NALF1: variants seen among roughly 807,000 people sequenced by gnomAD.
NALF1 encodes family with sequence similarity 155 member A.
NALF1 carries 3 observed loss-of-function variants against 48.4 expected under a neutral mutation model. The ratio of observed to expected loss-of-function variants is 0.06; its 90% CI spans 0.03 to 0.16. The LOEUF (loss-of-function observed/expected upper bound fraction) is 0.16, where lower values mean the gene tolerates loss of function less well. Ranked by LOEUF, NALF1 falls within the 10% of genes least tolerant of loss-of-function variation. The pLI is 1.00. For synonymous variants in NALF1, 262 were observed against 245.7 expected, an observed-to-expected ratio of 1.07 and a Z score of -0.62; for missense variants, 526 against 571.5, an observed-to-expected ratio of 0.92 and a Z score of 0.81.
chr13:107,206,800 T>C (rs548583988), intron 2 of NALF1, among the ~76,000 whole-genome samples: 1 of 152,318 alleles, frequency 6.6e-6, no homozygotes, highest in Non-Finnish European at 1.5e-5. Flanking sequence ...ACAGTATCTG[T>C]CATCAGGCCA....
At chr13:107,176,596 G>C (rs970604445) in intron 2 of NALF1, among the ~76,000 whole-genome samples, 2 of 151,548 alleles carry the variant, frequency 1.3e-5, no homozygotes, top group Non-Finnish European at 2.9e-5. Context: ...GAGCCGAGAT[G>C]GCGCCACTGC....
intron 1 of NALF1, among the ~76,000 whole-genome samples, chr13:107,319,119 G>A (rs6492046): frequency 0.25 from 37,833 of 151,914 alleles, 5,024 homozygotes; most frequent in Non-Finnish European, 0.28. Context: ...TTGTTTGATT[G>A]AAAGATGTGA....
At chr13:107,504,712 A>G (rs1032266675) in intron 1 of NALF1, among the ~76,000 whole-genome samples, 1 of 152,184 alleles carries the variant, frequency 6.6e-6, no homozygotes, top group Non-Finnish European at 1.5e-5. Flanking sequence ...TCTATTGAAT[A>G]TAACATATCT....
At chr13:107,320,272 C>T (rs555718009) in intron 1 of NALF1, among the ~76,000 whole-genome samples, 98 of 152,134 alleles carry the variant, frequency 6.4e-4, no homozygotes, top group African/African-American at 2.3e-3. Flanking sequence ...GAGAAAAACA[C>T]CCCATCAAAA....
chr13:107,806,651 A>T (rs1315409597), intron 1 of NALF1, among the ~76,000 whole-genome samples: 1 of 152,182 alleles, frequency 6.6e-6, no homozygotes, highest in Admixed American at 6.5e-5. Context: ...CTTTCAGAAT[A>T]ATTCTTCAAA....
chr13:107,310,729 G>A (rs191716710), intron 1 of NALF1, among the ~76,000 whole-genome samples: 42 of 152,068 alleles, frequency 2.8e-4, no homozygotes, highest in Admixed American at 2.5e-3. Flanking sequence ...CCAGTCTGGA[G>A]TACAGTAGCG....
intron 1 of NALF1, among the ~76,000 whole-genome samples, chr13:107,266,477 T>G (rs1308696895): frequency 6.6e-6 from 1 of 152,194 alleles, no homozygotes; most frequent in Non-Finnish European, 1.5e-5. Context: ...CATCATTTCT[T>G]CTTATTTAGG....
chr13:107,300,246 C>T (rs945516788), intron 1 of NALF1, among the ~76,000 whole-genome samples: 1 of 152,238 alleles, frequency 6.6e-6, no homozygotes, highest in East Asian at 1.9e-4. Context: ...CTGTTCTGAT[C>T]ATTATTCCAG....
chr13:107,609,707 C>T (rs2138431144), intron 1 of NALF1, among the ~76,000 whole-genome samples: 1 of 152,256 alleles, frequency 6.6e-6, no homozygotes, highest in South Asian at 2.1e-4. Flanking sequence ...TGTTGAATTC[C>T]ATAAAATTTC....
chr13:107,321,535 G>A (rs2138914205), intron 1 of NALF1, among the ~76,000 whole-genome samples: 1 of 152,190 alleles, frequency 6.6e-6, no homozygotes, highest in Non-Finnish European at 1.5e-5. Flanking sequence ...ACTTTCTGAG[G>A]ATTAAGATAT....
Position 107,538,714 on chromosome 13 carries a change from T to C in NALF1, c.915+326968A>G, listed in dbSNP as rs952200606. Among the ~76,000 whole-genome samples, 145 of 152,156 alleles carry C rather than the reference T, an allele frequency of 9.5e-4. 1 individual carries two copies. The highest frequency in any genetic ancestry group is 3.3e-3 in the African/African-American group (137 of 41,452). Reference sequence around the variant, plus strand: ...CAGACCTCAGTTCAAACACTGATTCTTACCTGAAAACTTGAGAAAAATTGC... The same window carrying C: ...CAGACCTCAGTTCAAACACTGATTCCTACCTGAAAACTTGAGAAAAATTGC... On this transcript the variant is annotated intron_variant, in intron 1 of 2. Coordinates refer to ENST00000375915, the MANE Select transcript of NALF1 (RefSeq NM_001080396.3).
At chr13:107,439,162 A>G (rs1325551031) in intron 1 of NALF1, among the ~76,000 whole-genome samples, 1 of 152,154 alleles carries the variant, frequency 6.6e-6, no homozygotes, top group East Asian at 1.9e-4. Flanking sequence ...ATTGTAATCG[A>G]CTTATGTGTT....
At chr13:107,719,815 C>A (rs1875931041) in intron 1 of NALF1, among the ~76,000 whole-genome samples, 1 of 152,134 alleles carries the variant, frequency 6.6e-6, no homozygotes, top group Non-Finnish European at 1.5e-5. Context: ...TGCCTCTAAC[C>A]CAAATAATAC....
chr13:107,433,264 T>C (rs1774369492), intron 1 of NALF1, among the ~76,000 whole-genome samples: 1 of 152,176 alleles, frequency 6.6e-6, no homozygotes, highest in Non-Finnish European at 1.5e-5. Context: ...TATAATAACT[T>C]TATGCTGGAA....
rs1053068136 is a variant in NALF1, at chr13:107,163,814, A to G, written c.*6683T>C. On this transcript the variant is annotated 3_prime_UTR_variant, in exon 3 of 3. Coordinates refer to ENST00000375915, the MANE Select transcript of NALF1 (RefSeq NM_001080396.3). The stretch of plus-strand genomic sequence containing the variant: ...AGAAAAATAGAAATAAGGAAAATTA[A>G]GTGCAAACATGAGAATGCTTATCAT... 2.0e-5 allele frequency: 3 copies of G among 152,358 alleles called. No homozygotes were observed. In the East Asian group the frequency reaches 5.8e-4, roughly 29 times the overall value. 9.4% of individuals were successfully genotyped at this position (152,358 alleles called of 1,614,324 possible). A position where few individuals can be genotyped will look rare whatever the true frequency, so the allele number is the denominator to read the frequency against.
In NALF1 at chr13:107,170,577, C is replaced by T. The variant is rs964282130; in HGVS notation, c.1297G>A (p.Ala433Thr). Residue 433 changes from alanine to threonine, a missense_variant, in exon 3 of 3, where the codon GCC (alanine) becomes ACC (threonine). This residue lies in a region of NALF1 where 153 missense variants were observed against 215.9 expected (regional missense o/e 0.71). Coordinates refer to ENST00000375915, the MANE Select transcript of NALF1 (RefSeq NM_001080396.3). The part of the protein sequence containing the change: ...VLILLHTVLT[A>T]SAAQNTAGLS... ...CCGGCTGTGTTCTGTGCTGCCGAGG[C>T]TGTGAGCACTGTGTGTAAGAGAATC... The T allele has an allele frequency of 6.2e-7, 1 of 1,614,158 alleles. No homozygotes were observed. The highest frequency in any genetic ancestry group is 1.1e-5 in the South Asian group (1 of 91,082).
At chr13:107,845,915 T>G (rs1022768613) in intron 1 of NALF1, among the ~76,000 whole-genome samples, 2 of 151,914 alleles carry the variant, frequency 1.3e-5, no homozygotes, top group African/African-American at 4.8e-5. Context: ...AATGGTAGAG[T>G]TGAATATAAT....
intron 1 of NALF1, among the ~76,000 whole-genome samples, chr13:107,724,788 C>T (rs543112811): frequency 2.6e-4 from 39 of 151,988 alleles, no homozygotes; most frequent in African/African-American, 9.2e-4. Flanking sequence ...ACCATGTTGC[C>T]CAGGCTGGTC....
chr13:107,660,313 T>G (rs1247107911), intron 1 of NALF1, among the ~76,000 whole-genome samples: 2 of 151,428 alleles, frequency 1.3e-5, no homozygotes, highest in Non-Finnish European at 2.9e-5. Context: ...TGTGACCCTG[T>G]AATCCCAGCC....
Sources: gnomAD v4.1 joint callset for allele counts (sites outside exome capture counted in the v4.1 genomes callset) on GRCh38, gnomAD v4.1.1 for gene constraint, gnomAD v4.1.1 regional missense constraint, MANE v1.5 for transcripts, NCBI Gene and HGNC (gene_info 2026-07-23, HGNC 2026-07-21) for gene names.